Variants in ARSF observed in about 807,000 individuals in gnomAD.
The protein encoded by ARSF is arylsulfatase F.
ARSF carries 33 observed loss-of-function variants against 35.4 expected under a neutral mutation model. The observed-to-expected ratio is 0.93, with a 90% CI of 0.71 to 1.25. ARSF has a LOEUF of 1.25. ARSF is among the 50% of genes most tolerant of loss of function. The probability of loss-of-function intolerance (pLI) is 0.00; values close to 1 mark genes in which losing one functional copy is unlikely to be tolerated. For synonymous variants in ARSF, 222 were observed against 193.1 expected (o/e 1.15, Z -1.24); for missense variants, 501 against 480.2 (o/e 1.04, Z -0.40).
intron 1 of ARSF, among the ~76,000 whole-genome samples, chrX:3,049,816 T>C (rs2089989674): frequency 9.0e-6 from 1 of 111,461 alleles, no homozygotes; most frequent in African/African-American, 3.3e-5. Context: ...AAAGGGCTCA[T>C]GCCAGAAGGG....
chrX:3,046,581 G>A (rs1034186224), intron 1 of ARSF, among the ~76,000 whole-genome samples: 2 of 111,633 alleles, frequency 1.8e-5, no homozygotes, highest in Non-Finnish European at 3.8e-5. Context: ...TGGATATATA[G>A]CAAATGCAAA....
Position 3,105,773 on chromosome X carries a change from A to G in ARSF, c.1265+1849A>G, listed in dbSNP as rs186354781. On this transcript the variant is annotated intron_variant, in intron 9 of 10. Transcript: ENST00000381127. Reference sequence around the variant, plus strand: ...GAGCCATCATGACCAGCCCAGAAAAAATATTTAAAAAACCACTGTGAAGTT... The same window carrying G: ...GAGCCATCATGACCAGCCCAGAAAAGATATTTAAAAAACCACTGTGAAGTT... Among the ~76,000 whole-genome samples, 6 of 112,169 alleles carry G rather than the reference A, an allele frequency of 5.3e-5. No individual in the cohort carries two copies. In the East Asian group the frequency reaches 1.7e-3, roughly 31 times the overall value.
chrX:3,043,533 A>G (rs1185398435), intron 1 of ARSF, among the ~76,000 whole-genome samples: 1 of 111,272 alleles, frequency 9.0e-6, no homozygotes, highest in Non-Finnish European at 1.9e-5. Flanking sequence ...CTCTTCTTGA[A>G]ATTCTTCAGA....
rs772016138 is a variant in ARSF at position 3,084,476 on chromosome X, G to A, written c.640G>A (p.Val214Ile). 2 of 1,211,351 alleles carry A rather than the reference G, an allele frequency of 1.7e-6. No homozygotes were observed. Among genetic ancestry groups the A allele is most frequent in the Non-Finnish European group, 2.2e-6 (2 of 895,474 alleles). Residue 214 changes from valine (V) to isoleucine (I), a missense_variant, in exon 6 of 11, where the codon GTT (valine) becomes ATT (isoleucine). Physicochemically the swap from Val to Ile is conservative, Grantham distance 29. Coordinates refer to ENST00000381127, the MANE Select transcript of ARSF (RefSeq NM_001201539.2). ...TGGGAAGCTGAGCGGCTGGGTCTCT[G>A]TTCCCTGGCTCCTGATCTTCTCCAT... ...TFGKLSGWVS[V>I]PWLLIFSMIL...
At chrX:3,085,952 C>G (rs1249367839) in intron 6 of ARSF, among the ~76,000 whole-genome samples, 1 of 110,226 alleles carries the variant, frequency 9.1e-6, no homozygotes, top group Non-Finnish European at 1.9e-5. Context: ...ATCCGGGTGG[C>G]GGAGGTTGCA....
intron 9 of ARSF, among the ~76,000 whole-genome samples, chrX:3,105,701 G>A (rs955206116): frequency 1.8e-5 from 2 of 111,537 alleles, no homozygotes; most frequent in African/African-American, 6.5e-5. Flanking sequence ...CTGACCTCAA[G>A]TGATCCTCCC....
At chrX:3,088,135 T>A (rs959039206) in intron 6 of ARSF, among the ~76,000 whole-genome samples, 3 of 112,061 alleles carry the variant, frequency 2.7e-5, no homozygotes, top group Non-Finnish European at 5.6e-5. Context: ...CCTAGTTCCC[T>A]GTATCCTCAT....
chrX:3,072,634 G>C (rs150332636), intron 3 of ARSF, among the ~76,000 whole-genome samples: 2,255 of 110,359 alleles, frequency 0.02, 25 homozygotes, highest in Middle Eastern at 0.071. Context: ...TGCAGAGAAG[G>C]CTTTATATCC....
chrX:3,059,792 G>A (rs1191479871), intron 1 of ARSF, among the ~76,000 whole-genome samples: 1 of 112,608 alleles, frequency 8.9e-6, no homozygotes, highest in African/African-American at 3.2e-5. Context: ...AGGGAAGCTC[G>A]AACTGGGCAG....
At chrX:3,048,767 C>T (rs1030140278) in intron 1 of ARSF, among the ~76,000 whole-genome samples, 7 of 112,109 alleles carry the variant, frequency 6.2e-5, no homozygotes, top group African/African-American at 2.3e-4. Flanking sequence ...TGACTGAGAC[C>T]TGTCTCAGAT....
Position 3,110,639 on chromosome X carries a change from G to C in ARSF, c.1390+387G>C, listed in dbSNP as rs182645891. ...TAGTCAGGTGTGGTGGATCACGCCTGTAATCCCAGAACTTTGGGAGGCCGA... is the reference window on the plus strand; with the variant it reads ...TAGTCAGGTGTGGTGGATCACGCCTCTAATCCCAGAACTTTGGGAGGCCGA... On this transcript the variant is annotated intron_variant, in intron 10 of 10. Transcript: ENST00000381127. 5.9e-3 allele frequency among the ~76,000 whole-genome samples: 660 copies of C among 112,347 alleles called. 2 individuals carry two copies. Among genetic ancestry groups the C allele is most frequent in the Non-Finnish European group, 9.0e-3 (477 of 53,275 alleles).
At position 3,076,674 on chromosome X, in the gene ARSF, G is replaced by A; in HGVS notation, c.283+5G>A. The stretch of plus-strand genomic sequence containing the variant: ...GAAGATACCCCATCCGATCAGGTGC[G>A]CAAACTGGCGGGCTCTGCTGGGCTC... On this transcript the variant is annotated splice_donor_5th_base_variant and intron_variant, in intron 4 of 10. Coordinates refer to ENST00000381127, the MANE Select transcript of ARSF (RefSeq NM_001201539.2). 3.3e-6 allele frequency: 4 copies of A among 1,209,131 alleles called. No homozygotes were observed. Among genetic ancestry groups the A allele is most frequent in the South Asian group, 1.8e-5 (1 of 56,363 alleles).
intron 7 of ARSF, among the ~76,000 whole-genome samples, chrX:3,100,334 C>T (rs970255047): frequency 7.1e-5 from 8 of 112,298 alleles, no homozygotes; most frequent in African/African-American, 2.6e-4. Flanking sequence ...CTTCTGTGAG[C>T]AGAGAGGTTG....
At chrX:3,092,783 A>G (rs184000476) in intron 7 of ARSF, among the ~76,000 whole-genome samples, 41 of 112,394 alleles carry the variant, frequency 3.6e-4, no homozygotes, top group African/African-American at 1.3e-3. Context: ...CAGAAGCTGT[A>G]ACAATACCCC....
chrX:3,084,773 A>G lies in ARSF; in HGVS notation c.830+107A>G, dbSNP rs758020536. 4.8e-5 allele frequency: 37 copies of G among 769,396 alleles called. No homozygotes were observed. In the East Asian group the frequency reaches 1.2e-3, roughly 26 times the overall value. The allele number at this position is 769,396 out of a possible 1,213,427, so 63.4% of individuals were successfully genotyped here. On this transcript the variant is annotated intron_variant, in intron 6 of 10. Coordinates refer to ENST00000381127, the MANE Select transcript of ARSF (RefSeq NM_001201539.2). ...TGTAGTTTATAATAATCTATTGTAC[A>G]CTTCTAAATAGCTAAAAGAGAATAA... is the stretch of plus-strand genomic sequence containing the variant.
rs140500454 is a variant in ARSF, at chrX:3,062,659, G to A, written c.-28-5414G>A. Among the ~76,000 whole-genome samples the A allele has an allele frequency of 9.4e-3, 1,055 of 111,798 alleles. 16 individuals carry two copies. Among genetic ancestry groups the A allele is most frequent in the African/African-American group, 0.032 (999 of 30,742 alleles). ...CCCACAGAAATACAAACTACCATGAGAGAATACTATAAACACCTCTATGCA... is the reference window on the plus strand; with the variant it reads ...CCCACAGAAATACAAACTACCATGAAAGAATACTATAAACACCTCTATGCA... On this transcript the variant is annotated intron_variant, in intron 1 of 10. Coordinates refer to ENST00000381127, the MANE Select transcript of ARSF (RefSeq NM_001201539.2).
chrX:3,055,193 T>C (rs1234058020), intron 1 of ARSF, among the ~76,000 whole-genome samples: 1 of 107,034 alleles, frequency 9.3e-6, no homozygotes, highest in Non-Finnish European at 1.9e-5. Flanking sequence ...AAATACATAA[T>C]TAGCCGAGCA....
At chrX:3,091,715 C>T (rs774026299) in intron 7 of ARSF, among the ~76,000 whole-genome samples, 29 of 111,583 alleles carry the variant, frequency 2.6e-4, no homozygotes, top group African/African-American at 9.4e-4. Context: ...GTGTCTGTGT[C>T]TGTAGTGTTT....
At chrX:3,051,111 A>G (rs2089995605) in intron 1 of ARSF, among the ~76,000 whole-genome samples, 1 of 111,308 alleles carries the variant, frequency 9.0e-6, no homozygotes, top group Non-Finnish European at 1.9e-5. Context: ...CTGACTAGCT[A>G]CCTACTGTAA....
Sources: gnomAD v4.1 joint callset for allele counts (sites outside exome capture counted in the v4.1 genomes callset) on GRCh38, gnomAD v4.1.1 for gene constraint, MANE v1.5 for transcripts, NCBI Gene and HGNC (gene_info 2026-07-23, HGNC 2026-07-21) for gene names.